The following ADAMTS8 variants were observed in gnomAD, a reference collection of about 807,000 sequenced individuals.
ADAMTS8 encodes the protein A disintegrin and metalloproteinase with thrombospondin motifs 8.
Under a neutral mutation model 64.4 loss-of-function variants are expected in ADAMTS8, and 50 were observed. The ratio of observed to expected loss-of-function variants is 0.78; its 90% CI spans 0.62 to 0.98. The LOEUF is 0.98. Ranked by LOEUF, ADAMTS8 falls within the 50% of genes least tolerant of loss-of-function variation. The pLI is 0.00. For missense variants in ADAMTS8, 1,192 were observed against 1,208.2 expected (o/e 0.99, Z 0.20); for synonymous variants, 556 against 533.6 (o/e 1.04, Z -0.58).
Position 130,427,564 on chromosome 11 carries a change from T to C in ADAMTS8, c.720+3A>G. On this transcript the variant is annotated splice_donor_region_variant and intron_variant, in intron 1 of 8. Coordinates refer to ENST00000257359, the MANE Select transcript of ADAMTS8 (RefSeq NM_007037.6). ...GGCGGCTGGAGGAGGCTCTCAGTCC[T>C]ACCTGCAGGTCGGCCCCGTAGAAGG... The C allele has an allele frequency of 1.3e-6, 2 of 1,522,898 alleles. No homozygotes were observed. Among genetic ancestry groups the C allele is most frequent in the Non-Finnish European group, 1.8e-6 (2 of 1,138,502 alleles). 94.3% of individuals were successfully genotyped at this position (1,522,898 alleles called of 1,614,324 possible).
rs775007123 is a variant in ADAMTS8, at chr11:130,405,566, G to A, written c.2662C>T (p.Pro888Ser). 14 of 1,602,462 alleles carry A rather than the reference G, an allele frequency of 8.7e-6. No individual in the cohort carries two copies. Among genetic ancestry groups the A allele is most frequent in the Non-Finnish European group, 1.2e-5 (14 of 1,172,566 alleles). The change falls in exon 9 of 9, where the codon CCC becomes TCC. Residue 888 changes from proline to serine, a missense_variant. Coordinates refer to ENST00000257359, the MANE Select transcript of ADAMTS8 (RefSeq NM_007037.6). ...DAKPCESQLCPL is the reference protein window; with the variant it reads ...DAKPCESQLCSL ...GCCCCTGCCCCCCTGAATCACAGGG[G>A]GCACAGCTGGCTTTCGCAGGGCTTG...
At chr11:130,425,384 G>A (rs1164562894) in intron 1 of ADAMTS8, among the ~76,000 whole-genome samples, 2 of 152,088 alleles carry the variant, frequency 1.3e-5, no homozygotes, top group Admixed American at 1.3e-4. Flanking sequence ...TATCTCCAGC[G>A]TCCAGGTGAT....
rs1322194729 is a variant in ADAMTS8, at chr11:130,428,176, G to C, written c.111C>G (p.Ala37=). The part of the protein sequence containing the change: ...APARPAAGGQ[A]SELVVPTRLP... ...ACCGCGTGGGCACCACCAGCTCCGAGGCCTGCCCCCCGGCTGCGGGCCGGG... is the reference window on the plus strand; with the variant it reads ...ACCGCGTGGGCACCACCAGCTCCGACGCCTGCCCCCCGGCTGCGGGCCGGG... Residue 37 remains alanine, a synonymous_variant, in exon 1 of 9, where the codon GCC becomes GCG. Transcript: ENST00000257359. The C allele has an allele frequency of 7.4e-7, 1 of 1,343,490 alleles. No homozygotes were observed. Among genetic ancestry groups the C allele is most frequent in the Non-Finnish European group, 9.5e-7 (1 of 1,056,910 alleles). 83.2% of individuals were successfully genotyped at this position (1,343,490 alleles called of 1,614,324 possible). A position where few individuals can be genotyped will look rare whatever the true frequency, so the allele number is the denominator to read the frequency against.
Position 130,428,420 on chromosome 11 carries a change from C to T in ADAMTS8, c.-134G>A, listed in dbSNP as rs1862213571. 2 of 1,084,222 alleles carry T rather than the reference C, an allele frequency of 1.8e-6. No homozygotes were observed. The highest frequency in any genetic ancestry group is 7.7e-5 in the East Asian group (1 of 13,002). 67.2% of individuals were successfully genotyped at this position (1,084,222 alleles called of 1,614,324 possible). A position where few individuals can be genotyped will look rare whatever the true frequency, so the allele number is the denominator to read the frequency against. Reference sequence around the variant, plus strand: ...TCAATCGGGTGCAAGGCCGACTCGGCCCGCGGGGCCCGGCGGCGGGAGCGC... The same window carrying T: ...TCAATCGGGTGCAAGGCCGACTCGGTCCGCGGGGCCCGGCGGCGGGAGCGC... On this transcript the variant is annotated 5_prime_UTR_variant, in exon 1 of 9. Transcript: ENST00000257359.
intron 6 of ADAMTS8, among the ~76,000 whole-genome samples, chr11:130,409,181 A>G (rs1333402603): frequency 6.6e-6 from 1 of 152,170 alleles, no homozygotes; most frequent in African/African-American, 2.4e-5. Context: ...TGCCCTTTCC[A>G]TTAGGGAAAG....
Position 130,416,974 on chromosome 11 carries a change from C to G in ADAMTS8, c.1062G>C (p.Gly354=). 1 of 1,614,126 alleles carries G rather than the reference C, an allele frequency of 6.2e-7. No individual in the cohort carries two copies. ...NKSCSVIEDE[G]LQAAHTLAHE... ...GGGCCAGGGTGTGGGCCGCCTGGAG[C>G]CCCTCATCCTCGATCACGGAGCAGC... The change falls in exon 3 of 9, where the codon GGG becomes GGC. Residue 354 remains glycine, a synonymous_variant. Transcript: ENST00000257359. This position sits in a 1 kb window ranked among gnomAD's most constrained non-coding sequence, Gnocchi z 4.8.
chr11:130,405,214 AT>A lies in ADAMTS8; in HGVS notation c.*343del, dbSNP rs3214972. 3.4e-4 allele frequency: 357 copies of A among 1,046,188 alleles called. No individual in the cohort carries two copies. Among genetic ancestry groups the A allele is most frequent in the East Asian group, 2.3e-3 (33 of 14,640 alleles). The allele number at this position is 1,046,188 out of a possible 1,614,324, so 64.8% of individuals were successfully genotyped here. The stretch of plus-strand genomic sequence containing the variant: ...TTATTTATCGGGGAAACCAGATAGA[AT>A]TTTTTTTTTCATTTAAGTTTGCTAG... On this transcript the variant is annotated 3_prime_UTR_variant, in exon 9 of 9. Transcript: ENST00000257359.
intron 8 of ADAMTS8, 97 bp downstream of exon 8, chr11:130,408,367 A>AT: frequency 7.0e-7 from 1 of 1,436,296 alleles, no homozygotes; most frequent in Non-Finnish European, 9.6e-7. Flanking sequence ...CCTCACAGCT[A>AT]TTAAGTAGCA....
Position 130,414,669 on chromosome 11 carries a change from C to T in ADAMTS8, c.1428G>A (p.Trp476Ter), listed in dbSNP as rs202170287. The change falls in exon 5 of 9, where the codon TGG becomes TGA. Residue 476 changes from tryptophan (W) to a stop codon, truncating the protein, a stop_gained. Coordinates refer to ENST00000257359, the MANE Select transcript of ADAMTS8 (RefSeq NM_007037.6). LOFTEE classifies it high-confidence loss of function. ...TSAQDVCAQLWCHTDGAEPLC... is the reference protein window; with the variant it reads ...TSAQDVCAQL ...GGGGCTCAGCCCCATCAGTGTGGCA[C>T]CAAAGCTGGGCGCAGACGTCCTGAG... 6.2e-7 allele frequency: 1 copy of T among 1,613,840 alleles called. No individual in the cohort carries two copies. The highest frequency in any genetic ancestry group is 8.5e-7 in the Non-Finnish European group (1 of 1,180,038).
Position 130,411,463 on chromosome 11 carries a change from C to G in ADAMTS8, c.1704G>C (p.Arg568=). 6.2e-7 allele frequency: 1 copy of G among 1,614,176 alleles called. No individual in the cohort carries two copies. Among genetic ancestry groups the G allele is most frequent in the Non-Finnish European group, 8.5e-7 (1 of 1,180,030 alleles). Residue 568 remains arginine (R), a synonymous_variant, in exon 6 of 9, where the codon CGG becomes CGC. Coordinates refer to ENST00000257359, the MANE Select transcript of ADAMTS8 (RefSeq NM_007037.6). The surrounding 1 kb of genome is among the most constrained non-coding windows in gnomAD (Gnocchi z 4.2). ...PQNGGRYCLG[R]RAKYQSCHTE... is the part of the protein sequence containing the mutation. ...TGTGGCATGACTGGTACTTGGCTCTCCGACCCAGGCAGTATCTTCCTCCAT... is the reference window on the plus strand; with the variant it reads ...TGTGGCATGACTGGTACTTGGCTCTGCGACCCAGGCAGTATCTTCCTCCAT...
chr11:130,406,347 A>G (rs1407060543), intron 8 of ADAMTS8, among the ~76,000 whole-genome samples: 1 of 152,158 alleles, frequency 6.6e-6, no homozygotes, highest in African/African-American at 2.4e-5. Context: ...TCATCTGGCA[A>G]CTCTATTTCA....
chr11:130,405,763 C>A lies in ADAMTS8; in HGVS notation c.2465G>T (p.Arg822Ile). The change falls in exon 9 of 9, where the codon AGA (arginine) becomes ATA (isoleucine). Residue 822 changes from arginine to isoleucine, a missense_variant. Transcript: ENST00000257359. ...VDFSMQSSKE[R>I]ATTNIIQPLL... is the part of the protein sequence containing the mutation. Reference sequence around the variant, plus strand: ...CGGCTGGATGATGTTGGTGGTTGCTCTCTCTTTGCTGCTCTGCATGCTAAA... The same window carrying A: ...CGGCTGGATGATGTTGGTGGTTGCTATCTCTTTGCTGCTCTGCATGCTAAA... The A allele has an allele frequency of 6.2e-7, 1 of 1,614,200 alleles. No individual in the cohort carries two copies. Among genetic ancestry groups the A allele is most frequent in the Non-Finnish European group, 8.5e-7 (1 of 1,180,052 alleles).
chr11:130,428,236 C>G lies in ADAMTS8; in HGVS notation c.51G>C (p.Leu17=). 8.1e-7 allele frequency: 1 copy of G among 1,227,348 alleles called. No homozygotes were observed. Among genetic ancestry groups the G allele is most frequent in the Non-Finnish European group, 1.0e-6 (1 of 989,836 alleles). The allele number at this position is 1,227,348 out of a possible 1,614,324, so 76.0% of individuals were successfully genotyped here. ...APRWPPLLLL[L]LLLLPLARGA... ...CGCGGGCCAGCGGCAGCAGCAGCAG[C>G]AGCAGCAGCAGGAGCGGAGGCCACC... The change falls in exon 1 of 9, where the codon CTG becomes CTC. Residue 17 remains leucine, a synonymous_variant. Coordinates refer to ENST00000257359, the MANE Select transcript of ADAMTS8 (RefSeq NM_007037.6).
At position 130,405,786 on chromosome 11, in the gene ADAMTS8, A is replaced by G. The variant is rs1410547334; in HGVS notation, c.2442T>C (p.Phe814=). The G allele has an allele frequency of 6.8e-6, 11 of 1,614,102 alleles. No homozygotes were observed. Among genetic ancestry groups the G allele is most frequent in the South Asian group, 5.5e-5 (5 of 91,090 alleles). The part of the protein sequence containing the change: ...YTFFVPNDVD[F]SMQSSKERAT... ...CTCTCTCTTTGCTGCTCTGCATGCT[A>G]AAGTCCACGTCATTAGGAACAAAGA... Residue 814 remains phenylalanine (F), a synonymous_variant, in exon 9 of 9, where the codon TTT becomes TTC. Transcript: ENST00000257359.
Position 130,427,936 on chromosome 11 carries a change from G to T in ADAMTS8, c.351C>A (p.Ser117Arg). 1 of 1,532,186 alleles carries T rather than the reference G, an allele frequency of 6.5e-7. No individual in the cohort carries two copies. Among genetic ancestry groups the T allele is most frequent in the South Asian group, 1.2e-5 (1 of 83,888 alleles). 94.9% of individuals were successfully genotyped at this position (1,532,186 alleles called of 1,614,324 possible). ...AGGAGCCGCTCAGCCCGCGGCACAG[G>T]CTGACCGCCGCCAGCGACTCGGGCT... is the stretch of plus-strand genomic sequence containing the variant. ...NGEPESLAAV[S>R]LCRGLSGSFL... is the part of the protein sequence containing the mutation. The change falls in exon 1 of 9, where the codon AGC (serine) becomes AGA (arginine). Residue 117 changes from serine (S) to arginine (R), a missense_variant. Ser to Arg is a moderately radical substitution (Grantham distance 110). Coordinates refer to ENST00000257359, the MANE Select transcript of ADAMTS8 (RefSeq NM_007037.6).
Position 130,405,503 on chromosome 11 carries a change from C to T in ADAMTS8, c.*55G>A. ...CAGTCACCACAGTGGAGACCCTTGT[C>T]TGCACCTCAGTACCGCATGTCCAGG... On this transcript the variant is annotated 3_prime_UTR_variant, in exon 9 of 9. Transcript: ENST00000257359. 6.5e-7 allele frequency: 1 copy of T among 1,530,002 alleles called. No homozygotes were observed. Among genetic ancestry groups the T allele is most frequent in the East Asian group, 2.3e-5 (1 of 44,142 alleles). The allele number at this position is 1,530,002 out of a possible 1,614,324, so 94.8% of individuals were successfully genotyped here. A position where few individuals can be genotyped will look rare whatever the true frequency, so the allele number is the denominator to read the frequency against.
chr11:130,427,852 A>G lies in ADAMTS8; in HGVS notation c.435T>C (p.Ala145=), dbSNP rs1431750772. Residue 145 remains alanine (A), a synonymous_variant, in exon 1 of 9, where the codon GCT becomes GCC. Coordinates refer to ENST00000257359, the MANE Select transcript of ADAMTS8 (RefSeq NM_007037.6). ...CCCAGCGCTGCAGGCGGTGCGGCTG[A>G]GCCAGGGAGCCCCCCGCGCCCTGCG... is the stretch of plus-strand genomic sequence containing the variant. ...IQPQGAGGSL[A]QPHRLQRWGP... is the part of the protein sequence containing the mutation. 6.5e-7 allele frequency: 1 copy of G among 1,538,166 alleles called. No individual in the cohort carries two copies. The highest frequency in any genetic ancestry group is 1.2e-5 in the South Asian group (1 of 83,984).
chr11:130,416,157 G>C lies in ADAMTS8; in HGVS notation c.1264+6C>G. 1 of 1,568,782 alleles carries C rather than the reference G, an allele frequency of 6.4e-7. No individual in the cohort carries two copies. The highest frequency in any genetic ancestry group is 8.7e-7 in the Non-Finnish European group (1 of 1,155,370). On this transcript the variant is annotated splice_donor_region_variant and intron_variant, in intron 4 of 8. Transcript: ENST00000257359. This position sits in a 1 kb window ranked among gnomAD's most constrained non-coding sequence, Gnocchi z 4.8. ...GGACAAGTAGGGCGGGGCCGCCGGT[G>C]CCTACCGTGCCCGCCGTCCAGAAGC...
chr11:130,409,251 G>A (rs950385558), intron 6 of ADAMTS8, among the ~76,000 whole-genome samples: 2 of 152,172 alleles, frequency 1.3e-5, no homozygotes, highest in Non-Finnish European at 2.9e-5. Flanking sequence ...AATTCAGTAA[G>A]CTTGGAAGGC....
Sources: allele counts gnomAD v4.1 joint callset (sites outside exome capture counted in the v4.1 genomes callset), GRCh38; gene constraint gnomAD v4.1.1; non-coding constraint Gnocchi (gnomAD v3.1); transcripts MANE v1.5; gene names NCBI Gene and HGNC (gene_info 2026-07-23, HGNC 2026-07-21).